The following SDK1 variants were observed in gnomAD, a reference collection of about 807,000 sequenced individuals.
SDK1 encodes the protein sidekick cell adhesion molecule 1.
A neutral mutation model predicts 245.5 loss-of-function variants in SDK1; 157 were observed. The ratio of observed to expected loss-of-function variants is 0.64; its 90% CI spans 0.56 to 0.73. SDK1 has a LOEUF of 0.73. Among genes scored for constraint, SDK1 ranks in the 30% least tolerant of loss-of-function variants. SDK1 has a pLI of 0.00. For missense variants in SDK1, 3,583 were observed against 3,002.3 expected, an observed-to-expected ratio of 1.19 and a Z score of -4.52; for synonymous variants, 1,647 against 1,278.5, an observed-to-expected ratio of 1.29 and a Z score of -6.15.
chr7:4,089,662 G>A (rs979589414), intron 22 of SDK1, among the ~76,000 whole-genome samples: 1 of 152,220 alleles, frequency 6.6e-6, no homozygotes, highest in African/African-American at 2.4e-5. Context: ...TGACTCCCTG[G>A]GGCTGCCTGA....
At chr7:3,483,773 G>A (rs1453455511) in intron 1 of SDK1, among the ~76,000 whole-genome samples, 1 of 152,136 alleles carries the variant, frequency 6.6e-6, no homozygotes, top group Non-Finnish European at 1.5e-5. Context: ...GTCTCTGATA[G>A]TTACATGATG....
Position 4,266,569 on chromosome 7 carries a change from G to C in SDK1, c.*1185G>C. On this transcript the variant is annotated 3_prime_UTR_variant, in exon 45 of 45. Transcript: ENST00000404826. ...TAGCCTTAACAGGTTTTTTGGAAAT[G>C]TTTCTTTTTTTTATTTAAAATTGTC... is the stretch of plus-strand genomic sequence containing the variant. 4.4e-6 allele frequency: 4 copies of C among 914,640 alleles called. No homozygotes were observed. The highest frequency in any genetic ancestry group is 5.0e-6 in the Non-Finnish European group (4 of 799,028). 56.7% of individuals were successfully genotyped at this position (914,640 alleles called of 1,614,324 possible). A position where few individuals can be genotyped will look rare whatever the true frequency, so the allele number is the denominator to read the frequency against.
At chr7:3,722,719 C>A (rs1288482997) in intron 4 of SDK1, among the ~76,000 whole-genome samples, 1 of 152,208 alleles carries the variant, frequency 6.6e-6, no homozygotes, top group South Asian at 2.1e-4. Context: ...GTGCCCCACC[C>A]CCTGGTGCAG....
intron 1 of SDK1, among the ~76,000 whole-genome samples, chr7:3,589,817 TG>T (rs1168858924): frequency 6.6e-6 from 1 of 152,180 alleles, no homozygotes; most frequent in African/African-American, 2.4e-5. Context: ...AGATGAGATT[TG>T]GGTGGGGACA....
chr7:3,596,229 A>G (rs569084145), intron 1 of SDK1, among the ~76,000 whole-genome samples: 1 of 152,244 alleles, frequency 6.6e-6, no homozygotes, highest in Non-Finnish European at 1.5e-5. Flanking sequence ...TGGCTCTTCC[A>G]TCTGGCTGGG....
chr7:3,883,151 G>A (rs78725544), intron 5 of SDK1, among the ~76,000 whole-genome samples: 5,676 of 152,286 alleles, frequency 0.037, 347 homozygotes, highest in African/African-American at 0.13. Flanking sequence ...GATGAAGCAG[G>A]AGATTCACGG....
chr7:4,017,107 C>T (rs140792463), intron 16 of SDK1, 64 bp from the exon 17 acceptor site: 23,055 of 1,466,490 alleles, frequency 0.016, 245 homozygotes, highest in Non-Finnish European at 0.019. Context: ...GGAATAACTG[C>T]GGGTAAACAC....
intron 1 of SDK1, among the ~76,000 whole-genome samples, chr7:3,409,944 TTTG>T (rs1396862458): frequency 1.5e-4 from 23 of 152,290 alleles, no homozygotes; most frequent in African/African-American, 5.3e-4. Context: ...GGAGCCACTA[TTTG>T]TTGAGTGCAT....
At chr7:4,241,601 C>T (rs1382445854) in intron 42 of SDK1, among the ~76,000 whole-genome samples, 192 bp from the exon 43 acceptor site, 1 of 152,246 alleles carries the variant, frequency 6.6e-6, no homozygotes, top group Non-Finnish European at 1.5e-5. Context: ...TGTCACTTTG[C>T]TCCAACACTG....
chr7:4,262,078 G>A (rs191387219), intron 44 of SDK1, among the ~76,000 whole-genome samples: 78 of 126,164 alleles, frequency 6.2e-4, no homozygotes, highest in African/African-American at 2.2e-3. Flanking sequence ...CACCCAGGCT[G>A]GAGTGCAGTG....
At chr7:3,501,497 G>A (rs1458964145) in intron 1 of SDK1, among the ~76,000 whole-genome samples, 1 of 152,066 alleles carries the variant, frequency 6.6e-6, no homozygotes, top group South Asian at 2.1e-4. Flanking sequence ...CATTGATTTT[G>A]ATGACCCAGG....
chr7:3,353,782 CTG>C (rs1780721336), intron 1 of SDK1, among the ~76,000 whole-genome samples: 1 of 151,320 alleles, frequency 6.6e-6, no homozygotes, highest in South Asian at 2.1e-4. Context: ...GGAACATTAA[CTG>C]TAGATTTCAT....
intron 5 of SDK1, among the ~76,000 whole-genome samples, chr7:3,834,506 T>C (rs1483927159): frequency 1.3e-5 from 2 of 152,222 alleles, no homozygotes; most frequent in African/African-American, 4.8e-5. Context: ...GAAAATCTTT[T>C]CTTTCACGTA....
intron 35 of SDK1, among the ~76,000 whole-genome samples, chr7:4,189,952 A>G (rs552752449): frequency 2.6e-5 from 4 of 152,174 alleles, no homozygotes; most frequent in African/African-American, 9.7e-5. Flanking sequence ...CTTTCTTCTA[A>G]GTGCTCCAAG....
intron 4 of SDK1, among the ~76,000 whole-genome samples, chr7:3,798,311 G>A (rs1305004362): frequency 6.7e-6 from 1 of 148,854 alleles, no homozygotes; most frequent in Non-Finnish European, 1.5e-5. Flanking sequence ...TCTACCTCCT[G>A]GGTTCACACC....
chr7:3,500,787 C>T (rs1782178322), intron 1 of SDK1, among the ~76,000 whole-genome samples: 1 of 151,658 alleles, frequency 6.6e-6, no homozygotes, highest in Non-Finnish European at 1.5e-5. Flanking sequence ...GAAGTTTTGC[C>T]TCCTATACTA....
intron 1 of SDK1, among the ~76,000 whole-genome samples, chr7:3,452,308 A>G (rs1780539449): frequency 6.6e-6 from 1 of 152,114 alleles, no homozygotes; most frequent in Non-Finnish European, 1.5e-5. Flanking sequence ...TGCCTTTGCT[A>G]AGCACTTGGT....
At chr7:3,656,451 A>G (rs1783187534) in intron 4 of SDK1, among the ~76,000 whole-genome samples, 1 of 152,128 alleles carries the variant, frequency 6.6e-6, no homozygotes, top group Non-Finnish European at 1.5e-5. Flanking sequence ...TCTGGAAGTC[A>G]CTCCCGAAGT....
chr7:4,258,422 G>A (rs1020193557), intron 44 of SDK1, among the ~76,000 whole-genome samples: 7 of 152,160 alleles, frequency 4.6e-5, no homozygotes, highest in African/African-American at 9.7e-5. Context: ...AACTGAATTC[G>A]TAGCATGCCC....
Sources: allele counts gnomAD v4.1 joint callset (sites outside exome capture counted in the v4.1 genomes callset), GRCh38; gene constraint gnomAD v4.1.1; transcripts MANE v1.5; gene names NCBI Gene and HGNC (gene_info 2026-07-23, HGNC 2026-07-21).